TRAF2: variants seen among roughly 807,000 people sequenced by gnomAD.
The protein encoded by TRAF2 is TNF receptor-associated factor 2.
Under a neutral mutation model 55.6 loss-of-function variants are expected in TRAF2, and 6 were observed. That is an observed-to-expected ratio of 0.11 (90% CI 0.06 to 0.21). The LOEUF is 0.21. Ranked by LOEUF, TRAF2 falls within the 10% of genes least tolerant of loss-of-function variation. The pLI is 1.00. For missense variants in TRAF2, 561 were observed against 684.5 expected, an observed-to-expected ratio of 0.82 and a Z score of 2.01; for synonymous variants, 329 against 276.3, an observed-to-expected ratio of 1.19 and a Z score of -1.89.
rs1160493346 is a variant in TRAF2, at chr9:136,916,629, T to A, written c.678+14T>A. 8.1e-6 allele frequency: 13 copies of A among 1,612,002 alleles called. No individual in the cohort carries two copies. Among genetic ancestry groups the A allele is most frequent in the Non-Finnish European group, 1.1e-5 (13 of 1,179,478 alleles). On this transcript the variant is annotated intron_variant, in intron 7 of 10. Transcript: ENST00000247668. Reference sequence around the variant, plus strand: ...TGCCTCGAGACGGTGAGTCGGGGGGTCTGAGGTTGGGGGCCACCCCTCATC... The same window carrying A: ...TGCCTCGAGACGGTGAGTCGGGGGGACTGAGGTTGGGGGCCACCCCTCATC...
Position 136,889,103 on chromosome 9 carries a change from C to T in TRAF2, c.-29+2562C>T, listed in dbSNP as rs186827013. Among the ~76,000 whole-genome samples the T allele has an allele frequency of 2.4e-3, 373 of 152,248 alleles. 4 individuals carry two copies. In the Middle Eastern group the frequency reaches 0.054, roughly 22 times the overall value. ...GTGGTCTCGATCTGATCTCGTGATC[C>T]GCCCACCTCGGCCTCCCAGAGTGCT... On this transcript the variant is annotated intron_variant, in intron 1 of 10. Transcript: ENST00000247668.
chr9:136,906,701 CT>C (rs1158701540), intron 4 of TRAF2, among the ~76,000 whole-genome samples: 1 of 152,216 alleles, frequency 6.6e-6, no homozygotes, highest in Non-Finnish European at 1.5e-5. Context: ...TCACCAGCCC[CT>C]TATGGAGGCA....
intron 1 of TRAF2, among the ~76,000 whole-genome samples, chr9:136,895,219 C>A (rs1849655233): frequency 6.6e-6 from 1 of 152,348 alleles, no homozygotes; most frequent in South Asian, 2.1e-4. Flanking sequence ...GTGACCCACG[C>A]CACCGTGTCG....
At chr9:136,911,126 T>C (rs1304516046) in intron 6 of TRAF2, among the ~76,000 whole-genome samples, 1 of 152,206 alleles carries the variant, frequency 6.6e-6, no homozygotes, top group Non-Finnish European at 1.5e-5. Flanking sequence ...GAGGTGATTC[T>C]TTCCTTGAGA....
chr9:136,925,552 C>T, intron 10 of TRAF2, 131 bp from the exon 11 acceptor site: 1 of 925,550 alleles, frequency 1.1e-6, no homozygotes, highest in South Asian at 1.7e-5. Context: ...GTGGTCTCGG[C>T]TGGGCCTCAG....
At chr9:136,918,255 A>ATATATATATATATATT (rs1402432355) in intron 7 of TRAF2, among the ~76,000 whole-genome samples, 2 of 23,354 alleles carry the variant, frequency 8.6e-5, no homozygotes, top group African/African-American at 2.1e-4. Context: ...ATATATATAT[A>ATATATATATATATATT]TATTTATTTA....
chr9:136,906,094 C>G (rs1370193757), intron 4 of TRAF2, among the ~76,000 whole-genome samples: 4 of 151,978 alleles, frequency 2.6e-5, no homozygotes, highest in Non-Finnish European at 5.9e-5. Context: ...AGCAAGATTC[C>G]ATCTCAAAAC....
rs202188895 is a variant in TRAF2 at position 136,923,910 on chromosome 9, C to T, written c.1197C>T (p.Asp399=). 83 of 1,613,852 alleles carry T rather than the reference C, an allele frequency of 5.1e-5. No individual in the cohort carries two copies. The highest frequency in any genetic ancestry group is 1.5e-4 in the African/African-American group (11 of 74,912). The change falls in exon 10 of 11, where the codon GAC becomes GAT. Residue 399 remains aspartate, a synonymous_variant. Transcript: ENST00000247668. The part of the protein sequence containing the change: ...KMCLRIYLNG[D]GTGRGTHLSL... The stretch of plus-strand genomic sequence containing the variant: ...GTCTGCGTATCTACCTGAACGGCGA[C>T]GGCACCGGGCGAGGAACACACCTGT...
chr9:136,906,306 T>G lies in TRAF2; in HGVS notation c.367-1764T>G, dbSNP rs1049167151. On this transcript the variant is annotated intron_variant, in intron 4 of 10. Transcript: ENST00000247668. Reference sequence around the variant, plus strand: ...CTACTATAAAGAAATACCCGAGACTTGGGTAGTTTATAAAGAAAAAGAGGT... The same window carrying G: ...CTACTATAAAGAAATACCCGAGACTGGGGTAGTTTATAAAGAAAAAGAGGT... Among the ~76,000 whole-genome samples the G allele has an allele frequency of 6.2e-4, 94 of 151,896 alleles. 1 individual carries two copies. The highest frequency in any genetic ancestry group is 5.2e-4 in the Admixed American group (8 of 15,252).
intron 1 of TRAF2, among the ~76,000 whole-genome samples, chr9:136,894,007 G>A (rs1053661015): frequency 4.1e-5 from 6 of 148,054 alleles, no homozygotes; most frequent in Non-Finnish European, 7.4e-5. Context: ...CTTGGCCTCC[G>A]AAAGTGCTGG....
upstream of TRAF2, among the ~76,000 whole-genome samples, chr9:136,885,661 G>A (rs180738871): frequency 2.6e-5 from 4 of 152,092 alleles, no homozygotes; most frequent in Non-Finnish European, 5.9e-5. Flanking sequence ...CCAGCTACTC[G>A]GGAGGCTGAG....
chr9:136,926,210 G>A lies in TRAF2; in HGVS notation c.*309G>A. 1 of 495,190 alleles carries A rather than the reference G, an allele frequency of 2.0e-6. No individual in the cohort carries two copies. Among genetic ancestry groups the A allele is most frequent in the Admixed American group, 2.8e-5 (1 of 36,258 alleles). 30.7% of individuals were successfully genotyped at this position (495,190 alleles called of 1,614,324 possible). A position where few individuals can be genotyped will look rare whatever the true frequency, so the allele number is the denominator to read the frequency against. On this transcript the variant is annotated 3_prime_UTR_variant, in exon 11 of 11. Transcript: ENST00000247668. ...TGCTGTCCTGTGCAGTGAAGGGAGA[G>A]GCCCTGGGTGGGGGACACTCAGAGT...
chr9:136,901,007 C>T (rs1276808011), intron 4 of TRAF2, among the ~76,000 whole-genome samples: 1 of 152,158 alleles, frequency 6.6e-6, no homozygotes, highest in African/African-American at 2.4e-5. Flanking sequence ...ATTGTGTTGA[C>T]ACTGGAAATT....
At position 136,899,644 on chromosome 9, in the gene TRAF2, A is replaced by AAGG; in HGVS notation, c.240_242dup (p.Gly81dup). 6.2e-7 allele frequency: 1 copy of AAGG among 1,613,244 alleles called. No individual in the cohort carries two copies. Among genetic ancestry groups the AAGG allele is most frequent in the Non-Finnish European group, 8.5e-7 (1 of 1,179,338 alleles). ...TGTGTTCACGAGGGCATATATGAAGAAGGCATTTCTATTTTAGAAAGCAGT... is the reference window on the plus strand; with the variant it reads ...TGTGTTCACGAGGGCATATATGAAGAAGGAGGCATTTCTATTTTAGAAAGCAGT... On this transcript the variant is annotated inframe_insertion, in exon 3 of 11. Coordinates refer to ENST00000247668, the MANE Select transcript of TRAF2 (RefSeq NM_021138.4).
rs751982952 is a variant in TRAF2, at chr9:136,889,176, CTTGT to C, written c.-29+2646_-29+2649del. Among the ~76,000 whole-genome samples, 74 of 149,064 alleles carry C rather than the reference CTTGT, an allele frequency of 5.0e-4. 1 individual carries two copies. Among genetic ancestry groups the C allele is most frequent in the Non-Finnish European group, 5.0e-4 (34 of 67,342 alleles). ...ACTGAGGGGCTTTTTTACGTTAAAA[CTTGT>C]TTGTTTGTTTTTCTTTTTTTGTTTG... On this transcript the variant is annotated intron_variant, in intron 1 of 10. Coordinates refer to ENST00000247668, the MANE Select transcript of TRAF2 (RefSeq NM_021138.4).
chr9:136,892,542 G>C (rs767020078), intron 1 of TRAF2, among the ~76,000 whole-genome samples: 5 of 152,222 alleles, frequency 3.3e-5, no homozygotes, highest in East Asian at 1.9e-4. Context: ...GTCCAAAGTG[G>C]ATTAGAAGCC....
At chr9:136,904,797 C>T (rs988935076) in intron 4 of TRAF2, among the ~76,000 whole-genome samples, 3 of 21,434 alleles carry the variant, frequency 1.4e-4, no homozygotes, top group African/African-American at 6.8e-4. Flanking sequence ...TGCTGAGGCT[C>T]CTCTTTGATT....
rs17250190 is a variant in TRAF2, at chr9:136,899,381, G to T, written c.189-213G>T. On this transcript the variant is annotated intron_variant, in intron 2 of 10. Coordinates refer to ENST00000247668, the MANE Select transcript of TRAF2 (RefSeq NM_021138.4). ...AGCAGATGTCCTTGGCGGTTCAGGC[G>T]TGCCTTCCTCACAAACGGAGTGATA... Among the ~76,000 whole-genome samples, 27 of 152,304 alleles carry T rather than the reference G, an allele frequency of 1.8e-4. No individual in the cohort carries two copies. In the East Asian group the frequency reaches 2.5e-3, roughly 14 times the overall value.
At chr9:136,900,285 G>A (rs1849787495) in intron 3 of TRAF2, 137 bp from the exon 4 acceptor site, 4 of 564,998 alleles carry the variant, frequency 7.1e-6, no homozygotes, top group Admixed American at 3.3e-5. Context: ...GAATCAGAGA[G>A]TCATCCTCTG....
Sources: gnomAD v4.1 joint callset for allele counts (sites outside exome capture counted in the v4.1 genomes callset) on GRCh38, gnomAD v4.1.1 for gene constraint, MANE v1.5 for transcripts, NCBI Gene and HGNC (gene_info 2026-07-23, HGNC 2026-07-21) for gene names.